QTMAN: variants seen among roughly 807,000 people sequenced by gnomAD.
The protein encoded by QTMAN is tRNA-queuosine alpha-mannosyltransferase.
the QTMAN span, among the ~76,000 whole-genome samples, chr2:144,226,145 C>T: frequency 6.6e-6 from 1 of 152,012 alleles, no homozygotes; most frequent in South Asian, 2.1e-4. Flanking sequence ...TGGTCAATAT[C>T]ATTGAATAGA....
chr2:144,332,663 G>C, the QTMAN span: 3 of 151,478 alleles, frequency 2.0e-5, no homozygotes, highest in Non-Finnish European at 4.4e-5. Context: ...CCGCTGGCGC[G>C]AGGTCCCTGA....
the QTMAN span, among the ~76,000 whole-genome samples, chr2:144,078,919 G>A: frequency 0.014 from 2,120 of 152,026 alleles, 49 homozygotes; most frequent in African/African-American, 0.049. Context: ...CTTTTTTCTC[G>A]ATATAAAGAT....
chr2:144,064,102 A>G, the QTMAN span, among the ~76,000 whole-genome samples: 1 of 152,190 alleles, frequency 6.6e-6, no homozygotes, highest in African/African-American at 2.4e-5. Flanking sequence ...TTTTCATTGA[A>G]GCATAAGAAG....
chr2:143,998,321 AT>A, the QTMAN span, among the ~76,000 whole-genome samples: 1 of 152,022 alleles, frequency 6.6e-6, no homozygotes, highest in Non-Finnish European at 1.5e-5. Flanking sequence ...AACCTTAAAC[AT>A]TTTGTTTCTC....
chr2:144,060,159 A>C, the QTMAN span, among the ~76,000 whole-genome samples: 1 of 152,238 alleles, frequency 6.6e-6, no homozygotes, highest in Non-Finnish European at 1.5e-5. Context: ...TAAAAAAAAA[A>C]GTCTGAGTAC....
chr2:144,107,011 G>A, the QTMAN span, among the ~76,000 whole-genome samples: 4 of 152,154 alleles, frequency 2.6e-5, no homozygotes, highest in African/African-American at 4.8e-5. Context: ...TGACTACTGG[G>A]TACATAACAA....
chr2:144,009,664 C>T, the QTMAN span, among the ~76,000 whole-genome samples: 1 of 151,788 alleles, frequency 6.6e-6, no homozygotes, highest in Admixed American at 6.6e-5. Context: ...TTAAATATGC[C>T]CTAATAAAAT....
the QTMAN span, among the ~76,000 whole-genome samples, chr2:144,126,981 C>A: frequency 6.6e-6 from 1 of 151,912 alleles, no homozygotes; most frequent in Admixed American, 6.6e-5. Context: ...TTTTTTCTGA[C>A]AAATACATCT....
chr2:144,242,865 G>A, the QTMAN span, among the ~76,000 whole-genome samples: 3 of 147,746 alleles, frequency 2.0e-5, no homozygotes, highest in East Asian at 6.0e-4. Context: ...GGGAGGCTGA[G>A]ACATGAGAAT....
chr2:144,104,715 T>A, the QTMAN span, among the ~76,000 whole-genome samples: 2 of 152,192 alleles, frequency 1.3e-5, no homozygotes, highest in Non-Finnish European at 2.9e-5. Flanking sequence ...AGAAGAAACC[T>A]CTGCAGACAT....
At chr2:144,131,192 GCTCTGACTCAT>G in the QTMAN span, among the ~76,000 whole-genome samples, 15 of 151,742 alleles carry the variant, frequency 9.9e-5, no homozygotes, top group African/African-American at 3.4e-4. Context: ...TCTAAACGAG[GCTCTGACTCAT>G]CTCTGACTCA....
At chr2:144,054,581 T>C in the QTMAN span, among the ~76,000 whole-genome samples, 1 of 152,186 alleles carries the variant, frequency 6.6e-6, no homozygotes, top group Non-Finnish European at 1.5e-5. Context: ...TGTGATTTAG[T>C]GTCAAAAAGG....
chr2:144,002,562 C>T, the QTMAN span, among the ~76,000 whole-genome samples: 2 of 151,886 alleles, frequency 1.3e-5, no homozygotes, highest in African/African-American at 4.8e-5. Context: ...TCTCATTATT[C>T]AAAAATGTCT....
At chr2:144,082,181 G>A in the QTMAN span, among the ~76,000 whole-genome samples, 1 of 152,126 alleles carries the variant, frequency 6.6e-6, no homozygotes, top group African/African-American at 2.4e-5. Flanking sequence ...ACAGGCGTGA[G>A]TCACTCACTC....
the QTMAN span, among the ~76,000 whole-genome samples, chr2:144,152,425 T>C: frequency 6.6e-6 from 1 of 152,200 alleles, no homozygotes; most frequent in African/African-American, 2.4e-5. Flanking sequence ...AAATTATTCC[T>C]GCAAACGCTG....
chr2:143,994,172 G>A, the QTMAN span, among the ~76,000 whole-genome samples: 5 of 152,122 alleles, frequency 3.3e-5, no homozygotes, highest in South Asian at 6.2e-4. Context: ...TACACATCCA[G>A]ACTACATTTA....
At chr2:144,059,445 C>T in the QTMAN span, among the ~76,000 whole-genome samples, 2 of 152,208 alleles carry the variant, frequency 1.3e-5, no homozygotes, top group Non-Finnish European at 2.9e-5. Flanking sequence ...AGTACACCAT[C>T]TGGCACACTG....
the QTMAN span, among the ~76,000 whole-genome samples, chr2:144,135,411 TA>T: frequency 7.9e-5 from 12 of 151,994 alleles, no homozygotes; most frequent in Admixed American, 3.3e-4. Context: ...GAAATAAAAT[TA>T]AAAAAAAGAT....
chr2:144,182,639 G>A, the QTMAN span, among the ~76,000 whole-genome samples: 19 of 82,622 alleles, frequency 2.3e-4, 1 homozygote, highest in African/African-American at 8.9e-4. Context: ...GTGAGACTCC[G>A]TCTCAAAAAA....
Sources: allele counts gnomAD v4.1 joint callset (sites outside exome capture counted in the v4.1 genomes callset), GRCh38; gene constraint gnomAD v4.1.1; transcripts MANE v1.5; gene names NCBI Gene and HGNC (gene_info 2026-07-23, HGNC 2026-07-21).